The following CNST variants were observed in gnomAD, a reference collection of about 807,000 sequenced individuals.
CNST encodes the protein consortin, connexin sorting protein, also known as consortin.
In CNST, 39 loss-of-function variants were observed where a neutral mutation model predicts 72.4. The observed-to-expected ratio is 0.54, with a 90% confidence interval of 0.42 to 0.70. The LOEUF is 0.70. Ranked by LOEUF, CNST falls within the 30% of genes least tolerant of loss-of-function variation. CNST has a pLI of 0.00. For missense variants in CNST, 871 were observed against 868.5 expected (o/e 1.00, Z -0.04); for synonymous variants, 332 against 320.1 (o/e 1.04, Z -0.40).
chr1:246,630,127 C>T (rs886703622), intron 3 of CNST, among the ~76,000 whole-genome samples: 7 of 152,206 alleles, frequency 4.6e-5, no homozygotes, highest in Admixed American at 1.3e-4. Context: ...TGTTTACTGA[C>T]GTCCATCACA....
intron 2 of CNST, 31 bp downstream of exon 2, chr1:246,591,972 TTTAA>T: frequency 2.0e-6 from 3 of 1,525,428 alleles, no homozygotes; most frequent in Non-Finnish European, 2.7e-6. Context: ...TATCCTCTTC[TTTAA>T]TTAATTAAAA....
intron 3 of CNST, among the ~76,000 whole-genome samples, chr1:246,627,729 A>G (rs1664528132): frequency 6.6e-6 from 1 of 152,166 alleles, no homozygotes; most frequent in Admixed American, 6.5e-5. Flanking sequence ...ATAAGAACTA[A>G]AAGAAGACAT....
At chr1:246,655,806 C>T (rs1201500131) in intron 9 of CNST, among the ~76,000 whole-genome samples, 1 of 152,204 alleles carries the variant, frequency 6.6e-6, no homozygotes, top group Non-Finnish European at 1.5e-5. Context: ...GCCCTTGAAG[C>T]TTGGCCTCTT....
chr1:246,593,287 C>T (rs1661664859), intron 2 of CNST, among the ~76,000 whole-genome samples: 3 of 151,166 alleles, frequency 2.0e-5, no homozygotes, highest in Admixed American at 1.3e-4. Flanking sequence ...TCTTAGTAGA[C>T]TCAAAATAAT....
chr1:246,659,468 G>A (rs1054642409), intron 9 of CNST, among the ~76,000 whole-genome samples: 5 of 152,108 alleles, frequency 3.3e-5, no homozygotes, highest in African/African-American at 4.8e-5. Flanking sequence ...GGTGGCGGGT[G>A]CCTGTAGTCC....
At chr1:246,589,754 C>T (rs951808815) in intron 1 of CNST, among the ~76,000 whole-genome samples, 10 of 152,298 alleles carry the variant, frequency 6.6e-5, no homozygotes, top group African/African-American at 2.4e-4. Context: ...GTCCCTGTTT[C>T]TCCACATCCT....
In CNST at chr1:246,668,280, T is replaced by TCCTTAAGA. The variant is rs1490654226; in HGVS notation, c.*2376_*2383dup. 1.3e-5 allele frequency: 2 copies of TCCTTAAGA among 152,194 alleles called. No individual in the cohort carries two copies. The highest frequency in any genetic ancestry group is 2.9e-5 in the Non-Finnish European group (2 of 68,024). The allele number at this position is 152,194 out of a possible 1,614,324, so 9.4% of individuals were successfully genotyped here. A position where few individuals can be genotyped will look rare whatever the true frequency, so the allele number is the denominator to read the frequency against. ...ACTGACAACTATTTGTAACTAATCTTCCTTAAGAACTGTATTTGAGGGTAT... is the reference window on the plus strand; with the variant it reads ...ACTGACAACTATTTGTAACTAATCTTCCTTAAGACCTTAAGAACTGTATTTGAGGGTAT... On this transcript the variant is annotated 3_prime_UTR_variant, in exon 11 of 11. Coordinates refer to ENST00000366513, the MANE Select transcript of CNST (RefSeq NM_152609.3).
At position 246,667,625 on chromosome 1, in the gene CNST, A is replaced by G. The variant is rs1243267547; in HGVS notation, c.*1720A>G. 2.0e-5 allele frequency: 3 copies of G among 152,228 alleles called. No individual in the cohort carries two copies. Among genetic ancestry groups the G allele is most frequent in the Non-Finnish European group, 2.9e-5 (2 of 68,034 alleles). The allele number at this position is 152,228 out of a possible 1,614,324, so 9.4% of individuals were successfully genotyped here. A position where few individuals can be genotyped will look rare whatever the true frequency, so the allele number is the denominator to read the frequency against. ...TATTAGAAGATTATTTTAATGTTCT[A>G]TTATAAATTTTAAGAATTTGTATTC... On this transcript the variant is annotated 3_prime_UTR_variant, in exon 11 of 11. Coordinates refer to ENST00000366513, the MANE Select transcript of CNST (RefSeq NM_152609.3).
chr1:246,615,229 G>A (rs576881088), intron 2 of CNST, among the ~76,000 whole-genome samples: 1 of 152,092 alleles, frequency 6.6e-6, no homozygotes, highest in South Asian at 2.1e-4. Flanking sequence ...AGGCTGGAGC[G>A]CAGTGGCGCG....
chr1:246,623,500 CCAGCA>C (rs1210488580), intron 3 of CNST, among the ~76,000 whole-genome samples: 2 of 152,052 alleles, frequency 1.3e-5, no homozygotes, highest in African/African-American at 2.4e-5. Context: ...ACCTATAATC[CCAGCA>C]CTTTGGGAGG....
chr1:246,656,696 G>A (rs1268324075), intron 9 of CNST, among the ~76,000 whole-genome samples: 1 of 152,138 alleles, frequency 6.6e-6, no homozygotes, highest in Non-Finnish European at 1.5e-5. Flanking sequence ...TGTAATCCTG[G>A]TGCTTTGGGT....
intron 6 of CNST, among the ~76,000 whole-genome samples, chr1:246,635,409 T>C (rs1203259818): frequency 4.6e-5 from 7 of 151,980 alleles, no homozygotes; most frequent in Admixed American, 4.6e-4. Flanking sequence ...TACCAGCGTT[T>C]TAAATCCCCC....
chr1:246,613,655 CTCTCTCCTCCTCTCTA>C, intron 2 of CNST, among the ~76,000 whole-genome samples: 1 of 3,844 alleles, frequency 2.6e-4, no homozygotes, highest in East Asian at 6.0e-3. Flanking sequence ...TTCTCTCTCT[CTCTCTCCTCCTCTCTA>C]CCTCTCCTCC....
In CNST at chr1:246,649,297, T is replaced by C. The variant is rs150591417; in HGVS notation, c.1836+1260T>C. Among the ~76,000 whole-genome samples the C allele has an allele frequency of 1.2e-3, 189 of 152,290 alleles. 1 individual carries two copies. The highest frequency in any genetic ancestry group is 4.5e-3 in the African/African-American group (185 of 41,552). On this transcript the variant is annotated intron_variant, in intron 9 of 10. Transcript: ENST00000366513. ...TGGTACACGTTTTGATTGCAATGAATGCCACTGAATTGTATACTTACAAAG... is the reference window on the plus strand; with the variant it reads ...TGGTACACGTTTTGATTGCAATGAACGCCACTGAATTGTATACTTACAAAG...
At chr1:246,634,704 T>G (rs1229924978) in intron 6 of CNST, 117 bp downstream of exon 6, 3 of 647,740 alleles carry the variant, frequency 4.6e-6, no homozygotes. Flanking sequence ...AAGATGGATA[T>G]AATATAATTA....
intron 8 of CNST, 21 bp downstream of exon 8, chr1:246,642,058 A>G (rs376048921): frequency 3.5e-6 from 5 of 1,435,752 alleles, no homozygotes; most frequent in African/African-American, 2.9e-5. Flanking sequence ...AACTTAAGCT[A>G]TGGAGCAACG....
At chr1:246,664,576 G>A (rs557632787) in intron 10 of CNST, among the ~76,000 whole-genome samples, 2 of 152,176 alleles carry the variant, frequency 1.3e-5, no homozygotes, top group Admixed American at 6.5e-5. Context: ...ATAGGCACCT[G>A]CCACCACGCC....
chr1:246,592,867 A>G (rs963794834), intron 2 of CNST, among the ~76,000 whole-genome samples: 19 of 152,218 alleles, frequency 1.2e-4, no homozygotes, highest in African/African-American at 4.1e-4. Context: ...GTTTAGAGCT[A>G]TGGAATTTTT....
chr1:246,664,669 G>T (rs578218382), intron 10 of CNST, among the ~76,000 whole-genome samples: 1 of 151,682 alleles, frequency 6.6e-6, no homozygotes, highest in Non-Finnish European at 1.5e-5. Context: ...CTCGTGATCC[G>T]CCCGCCTCAG....
Sources: gnomAD v4.1 joint callset for allele counts (sites outside exome capture counted in the v4.1 genomes callset) on GRCh38, gnomAD v4.1.1 for gene constraint, MANE v1.5 for transcripts, NCBI Gene and HGNC (gene_info 2026-07-23, HGNC 2026-07-21) for gene names.